Variants in ELAVL4 observed in about 807,000 individuals in gnomAD.
ELAVL4 encodes ELAV-like protein 4.
A neutral mutation model predicts 35.6 loss-of-function variants in ELAVL4; 1 was observed. That is an observed-to-expected ratio of 0.03 (90% CI 0.01 to 0.13). The LOEUF is 0.13. ELAVL4 is among the 10% of genes least tolerant of loss of function. ELAVL4 has a pLI of 1.00. For synonymous variants in ELAVL4, 156 were observed against 171.0 expected (o/e 0.91, Z 0.69); for missense variants, 267 against 464.9 (o/e 0.57, Z 3.91).
At chr1:50,125,275 A>G (rs1276255309) in intron 1 of ELAVL4, among the ~76,000 whole-genome samples, 1 of 151,942 alleles carries the variant, frequency 6.6e-6, no homozygotes, top group Non-Finnish European at 1.5e-5. Flanking sequence ...ATTATATATT[A>G]TGTCGTGTTT....
chr1:50,057,776 G>A (rs909130281), intron 1 of ELAVL4, among the ~76,000 whole-genome samples: 5 of 152,098 alleles, frequency 3.3e-5, no homozygotes. Context: ...ATTGCCTGAC[G>A]TATTTCTCAG....
chr1:50,176,159 C>T (rs1459353807), intron 2 of ELAVL4, among the ~76,000 whole-genome samples: 1 of 152,148 alleles, frequency 6.6e-6, no homozygotes, highest in Non-Finnish European at 1.5e-5. Context: ...TTGGGGGGAG[C>T]CCTGTCACTT....
intron 1 of ELAVL4, chr1:50,109,998 C>T: frequency 2.5e-6 from 4 of 1,610,018 alleles, no homozygotes; most frequent in Non-Finnish European, 3.4e-6. Flanking sequence ...CTGGAGGTCC[C>T]AGCCCTGTGT....
chr1:50,085,171 A>G (rs1665185497), intron 1 of ELAVL4, among the ~76,000 whole-genome samples: 1 of 152,154 alleles, frequency 6.6e-6, no homozygotes, highest in African/African-American at 2.4e-5. Context: ...CAGTTTTTAA[A>G]GTCTTAGCTA....
At chr1:50,124,534 T>G (rs934280486) in intron 1 of ELAVL4, among the ~76,000 whole-genome samples, 1 of 152,142 alleles carries the variant, frequency 6.6e-6, no homozygotes, top group Non-Finnish European at 1.5e-5. Context: ...CTAGTTTGTT[T>G]CATTCCAAAG....
At position 50,178,234 on chromosome 1, in the gene ELAVL4, C is replaced by T. The variant is rs764202304; in HGVS notation, c.354+1042C>T. ...CTTATCCTCACGACAGCAGGTCTGA[C>T]GCAAAGTAGGACAAAAGAGAAACCT... On this transcript the variant is annotated intron_variant, in intron 3 of 6. Coordinates refer to ENST00000371824, the MANE Select transcript of ELAVL4 (RefSeq NM_001144774.3). Among the ~76,000 whole-genome samples the T allele has an allele frequency of 5.3e-5, 8 of 152,178 alleles. 1 individual carries two copies. The South Asian group carries it at 6.2e-4, about 12-fold the overall frequency.
At chr1:50,109,921 C>T (rs757505980) in intron 1 of ELAVL4, 17 of 1,612,006 alleles carry the variant, frequency 1.1e-5, no homozygotes, top group Non-Finnish European at 1.4e-5. Flanking sequence ...GTGTGAGGGT[C>T]CATCTTCTTC....
At chr1:50,188,729 G>C (rs1301751496) in intron 3 of ELAVL4, among the ~76,000 whole-genome samples, 1 of 152,214 alleles carries the variant, frequency 6.6e-6, no homozygotes, top group Non-Finnish European at 1.5e-5. Context: ...GCTCCCAGAA[G>C]GGAAGAAGCA....
At chr1:50,197,393 G>A (rs1201832991) in intron 5 of ELAVL4, 36 bp from the exon 6 acceptor site, 1 of 1,559,660 alleles carries the variant, frequency 6.4e-7, no homozygotes, top group Non-Finnish European at 8.6e-7. Context: ...TGCCATCTGT[G>A]AGGCATTAAC....
At chr1:50,069,368 T>A (rs1466954090) in intron 1 of ELAVL4, among the ~76,000 whole-genome samples, 1 of 152,182 alleles carries the variant, frequency 6.6e-6, no homozygotes, top group African/African-American at 2.4e-5. Flanking sequence ...TATTTTCTTG[T>A]TAATTCTGGT....
intron 1 of ELAVL4, among the ~76,000 whole-genome samples, chr1:50,128,118 A>T (rs1036938682): frequency 6.6e-6 from 1 of 152,092 alleles, no homozygotes; most frequent in Non-Finnish European, 1.5e-5. Context: ...TCAACGTGGA[A>T]ATAAAATATG....
upstream of ELAVL4, chr1:50,103,869 G>A: frequency 6.3e-7 from 1 of 1,581,338 alleles, no homozygotes; most frequent in Non-Finnish European, 8.6e-7. Flanking sequence ...GAAAAGGTCT[G>A]CAGCTGTGTT....
chr1:50,054,597 C>A (rs193225395), intron 1 of ELAVL4, among the ~76,000 whole-genome samples: 1 of 151,718 alleles, frequency 6.6e-6, no homozygotes, highest in Non-Finnish European at 1.5e-5. Context: ...TAGGATAGAC[C>A]TTATAATTAT....
At chr1:50,072,773 TA>T (rs764073396) in intron 1 of ELAVL4, among the ~76,000 whole-genome samples, 93 of 152,314 alleles carry the variant, frequency 6.1e-4, no homozygotes, top group Non-Finnish European at 1.1e-3. Flanking sequence ...TCTACAGCAC[TA>T]GGAGTTGTAG....
chr1:50,091,463 A>C (rs1665490609), intron 1 of ELAVL4, among the ~76,000 whole-genome samples: 1 of 152,156 alleles, frequency 6.6e-6, no homozygotes, highest in Admixed American at 6.6e-5. Flanking sequence ...ATGGTGGCCA[A>C]AATTAGTTCA....
chr1:50,158,284 C>T (rs1340724799), intron 2 of ELAVL4, among the ~76,000 whole-genome samples: 2 of 152,142 alleles, frequency 1.3e-5, no homozygotes, highest in Non-Finnish European at 2.9e-5. Flanking sequence ...TATCTAAGAT[C>T]ACACAGCTTC....
At chr1:50,142,202 GT>G (rs1340477285) in intron 1 of ELAVL4, among the ~76,000 whole-genome samples, 1 of 151,984 alleles carries the variant, frequency 6.6e-6, no homozygotes, top group Non-Finnish European at 1.5e-5. Context: ...TAAGTTTTTT[GT>G]TTTTTTGTTT....
chr1:50,146,150 T>A (rs1673672684), intron 2 of ELAVL4, among the ~76,000 whole-genome samples: 1 of 133,814 alleles, frequency 7.5e-6, no homozygotes, highest in Admixed American at 7.4e-5. Context: ...GCAACTGTCC[T>A]AGAGTTTTTT....
At chr1:50,160,285 A>G (rs1219146429) in intron 2 of ELAVL4, among the ~76,000 whole-genome samples, 1 of 152,184 alleles carries the variant, frequency 6.6e-6, no homozygotes, top group Non-Finnish European at 1.5e-5. Context: ...AAAGAAGATG[A>G]CGTTCCCCCG....
Sources: allele counts gnomAD v4.1 joint callset (sites outside exome capture counted in the v4.1 genomes callset), GRCh38; gene constraint gnomAD v4.1.1; transcripts MANE v1.5; gene names NCBI Gene and HGNC (gene_info 2026-07-23, HGNC 2026-07-21).